Variants in PROS1 observed in about 807,000 individuals in gnomAD.
The protein encoded by PROS1 is vitamin K-dependent protein S.
A neutral mutation model predicts 75.9 loss-of-function variants in PROS1; 29 were observed. The ratio of observed to expected loss-of-function variants is 0.38; its 90% confidence interval spans 0.28 to 0.52. The LOEUF (loss-of-function observed/expected upper bound fraction) is 0.52. PROS1 is among the 20% of genes least tolerant of loss of function. The pLI is 0.83. For missense variants in PROS1, 680 were observed against 810.3 expected, an observed-to-expected ratio of 0.84 and a Z score of 1.95; for synonymous variants, 245 against 280.6, an observed-to-expected ratio of 0.87 and a Z score of 1.27.
chr3:93,939,417 C>T (rs763790978), intron 1 of PROS1, among the ~76,000 whole-genome samples: 3 of 152,128 alleles, frequency 2.0e-5, no homozygotes, highest in African/African-American at 4.8e-5. Context: ...GATCTCTCCC[C>T]TCTTCCCCAG....
chr3:93,901,058 C>A, intron 6 of PROS1, 129 bp from the exon 7 acceptor site: 2 of 929,896 alleles, frequency 2.2e-6, no homozygotes, highest in South Asian at 1.6e-5. Flanking sequence ...GCCTTTGGAC[C>A]AAAAAACATT....
rs1559932716 is a variant in PROS1, at chr3:93,896,571, C to G, written c.965+5G>C. 6.3e-7 allele frequency: 1 copy of G among 1,590,900 alleles called. No homozygotes were observed. Among genetic ancestry groups the G allele is most frequent in the East Asian group, 2.2e-5 (1 of 44,694 alleles). ...TAGAAATTATCATTGGTATTGGTTC[C>G]TCACCTGCTGATTTCTGGCAAACGA... is the stretch of plus-strand genomic sequence containing the variant. On this transcript the variant is annotated splice_donor_5th_base_variant and intron_variant, in intron 9 of 14. Coordinates refer to ENST00000394236, the MANE Select transcript of PROS1 (RefSeq NM_000313.4).
intron 13 of PROS1, among the ~76,000 whole-genome samples, chr3:93,877,940 A>G (rs1708215893): frequency 1.3e-5 from 2 of 152,188 alleles, no homozygotes; most frequent in Admixed American, 6.5e-5. Context: ...AGGTTACTTG[A>G]GGAAATCTGT....
chr3:93,890,185 G>GA (rs1330116247), intron 10 of PROS1, among the ~76,000 whole-genome samples: 1 of 152,160 alleles, frequency 6.6e-6, no homozygotes, highest in African/African-American at 2.4e-5. Context: ...TTAGGGTGGG[G>GA]AAAAAACCCC....
intron 1 of PROS1, among the ~76,000 whole-genome samples, chr3:93,971,702 G>A (rs1479681674): frequency 2.0e-5 from 3 of 149,566 alleles, no homozygotes; most frequent in Non-Finnish European, 1.5e-5. Flanking sequence ...CTAGATAGGT[G>A]CTGATCTGGG....
intron 3 of PROS1, among the ~76,000 whole-genome samples, chr3:93,921,967 A>T (rs928139686): frequency 6.6e-6 from 1 of 151,980 alleles, no homozygotes; most frequent in Admixed American, 6.6e-5. Context: ...TGTTTTCTCA[A>T]TTGGAAAGTT....
chr3:93,937,394 GTC>G (rs1709200663), intron 1 of PROS1, among the ~76,000 whole-genome samples: 1 of 145,302 alleles, frequency 6.9e-6, no homozygotes, highest in African/African-American at 2.6e-5. Context: ...TTGAGATGGA[GTC>G]TCACTCTGTC....
chr3:93,963,051 C>T (rs551809758), intron 1 of PROS1, among the ~76,000 whole-genome samples: 79 of 152,286 alleles, frequency 5.2e-4, no homozygotes, highest in Non-Finnish European at 8.5e-4. Context: ...TCCAATTGTG[C>T]TCAAATTTTC....
intron 3 of PROS1, among the ~76,000 whole-genome samples, chr3:93,918,223 C>G (rs566471388): frequency 1.3e-4 from 20 of 152,174 alleles, no homozygotes; most frequent in African/African-American, 3.9e-4. Context: ...CTGGTGGGGA[C>G]GTGGAGAAAC....
In PROS1 at chr3:93,973,855, G is replaced by T; in HGVS notation, c.-106C>A. 2.2e-6 allele frequency: 2 copies of T among 920,454 alleles called. No homozygotes were observed. Among genetic ancestry groups the T allele is most frequent in the South Asian group, 3.4e-5 (1 of 29,268 alleles). The allele number at this position is 920,454 out of a possible 1,614,324, so 57.0% of individuals were successfully genotyped here. On this transcript the variant is annotated 5_prime_UTR_variant, in exon 1 of 15. Coordinates refer to ENST00000394236, the MANE Select transcript of PROS1 (RefSeq NM_000313.4). ...GCCTGTGCGCCTCGGTCTGAGCCGT[G>T]CTGCGCGGCGGCGCCAGCGACCCAG...
chr3:93,897,344 A>G (rs1241589270), intron 8 of PROS1, among the ~76,000 whole-genome samples: 1 of 150,016 alleles, frequency 6.7e-6, no homozygotes, highest in Non-Finnish European at 1.5e-5. Flanking sequence ...CTTTTAACAT[A>G]CAAATTATTG....
chr3:93,955,947 C>G (rs1452285001), intron 1 of PROS1, among the ~76,000 whole-genome samples: 1 of 152,102 alleles, frequency 6.6e-6, no homozygotes, highest in Non-Finnish European at 1.5e-5. Context: ...ATATTGAACA[C>G]TTGGTTTACT....
At chr3:93,947,598 G>A (rs1308608649) in intron 1 of PROS1, among the ~76,000 whole-genome samples, 6 of 151,846 alleles carry the variant, frequency 4.0e-5, no homozygotes, top group Admixed American at 1.3e-4. Flanking sequence ...AGACAGTCTC[G>A]CTCTGTCGCT....
chr3:93,927,083 C>G (rs1392238676), intron 2 of PROS1, among the ~76,000 whole-genome samples, 167 bp downstream of exon 2: 5 of 152,158 alleles, frequency 3.3e-5, no homozygotes, highest in Non-Finnish European at 7.3e-5. Context: ...AACAAGCCCA[C>G]TTTCCTTTGA....
chr3:93,906,557 C>G (rs7626650), intron 4 of PROS1, among the ~76,000 whole-genome samples: 2,721 of 152,310 alleles, frequency 0.018, 87 homozygotes, highest in African/African-American at 0.061. Flanking sequence ...CAGGCATCCA[C>G]TCTGATCTTA....
chr3:93,947,899 TCCCCC>T (rs1328018840), intron 1 of PROS1, among the ~76,000 whole-genome samples: 1 of 151,938 alleles, frequency 6.6e-6, no homozygotes, highest in Non-Finnish European at 1.5e-5. Flanking sequence ...ATAAATACTC[TCCCCC>T]CTTACCTTGG....
At chr3:93,968,581 G>A (rs74359987) in intron 1 of PROS1, among the ~76,000 whole-genome samples, 5 of 152,094 alleles carry the variant, frequency 3.3e-5, no homozygotes, top group Admixed American at 6.5e-5. Context: ...TTTACATTCC[G>A]TCCTCACAAC....
At chr3:93,924,171 G>A in intron 3 of PROS1, 69 bp downstream of exon 3, 2 of 1,096,648 alleles carry the variant, frequency 1.8e-6, no homozygotes, top group Admixed American at 6.2e-5. Flanking sequence ...TAGGTGGAGA[G>A]TTAGACAGGA....
At chr3:93,883,823 G>A (rs188814091) in intron 12 of PROS1, among the ~76,000 whole-genome samples, 7 of 151,364 alleles carry the variant, frequency 4.6e-5, no homozygotes, top group East Asian at 3.9e-4. Flanking sequence ...GGTGGCGGGC[G>A]CCTGTAGTTC....
Sources: allele counts gnomAD v4.1 joint callset (sites outside exome capture counted in the v4.1 genomes callset), GRCh38; gene constraint gnomAD v4.1.1; transcripts MANE v1.5; gene names NCBI Gene and HGNC (gene_info 2026-07-23, HGNC 2026-07-21).